GALNT9: variants seen among roughly 807,000 people sequenced by gnomAD.
GALNT9 encodes the protein GalNAc transferase 9.
Under a neutral mutation model 63.1 loss-of-function variants are expected in GALNT9, and 47 were observed. That is an observed-to-expected ratio of 0.75 (90% confidence interval 0.59 to 0.95). The LOEUF (loss-of-function observed/expected upper bound fraction) is 0.95. Ranked by LOEUF, GALNT9 falls within the 40% of genes least tolerant of loss-of-function variation. GALNT9 has a pLI of 0.00. For missense variants in GALNT9, 829 were observed against 874.8 expected (o/e 0.95, Z 0.66); for synonymous variants, 396 against 365.7 (o/e 1.08, Z -0.94).
intron 5 of GALNT9, among the ~76,000 whole-genome samples, chr12:132,251,453 C>T (rs1432492654): frequency 6.6e-6 from 1 of 152,170 alleles, no homozygotes; most frequent in East Asian, 1.9e-4. Flanking sequence ...CGGCTGCTCT[C>T]GTTTCTGTGT....
intron 2 of GALNT9, chr12:132,273,288 AATTTT>A (rs1879936787): frequency 6.6e-6 from 1 of 152,168 alleles, no homozygotes; most frequent in African/African-American, 2.4e-5. Context: ...ATGCCCGGCT[AATTTT>A]TGTATTTTCA....
rs144880545 is a variant in GALNT9, at chr12:132,316,036, C to T, written c.238+12930G>A. Among the ~76,000 whole-genome samples the T allele has an allele frequency of 3.3e-3, 496 of 152,274 alleles. 1 individual carries two copies. Among genetic ancestry groups the T allele is most frequent in the African/African-American group, 8.6e-3 (358 of 41,552 alleles). On this transcript the variant is annotated intron_variant, in intron 1 of 10. Coordinates refer to ENST00000328957, the MANE Select transcript of GALNT9 (RefSeq NM_001122636.2). This position sits in a 1 kb window ranked among gnomAD's most constrained non-coding sequence, Gnocchi z 4.3. The stretch of plus-strand genomic sequence containing the variant: ...GCAGGCAGGCAGCCCCCGAAACGGC[C>T]GCCCACCCCCTCACGCCTGCAGGTC...
intron 6 of GALNT9, among the ~76,000 whole-genome samples, chr12:132,239,653 CAGAGACAGAG>C (rs1398773088): frequency 3.7e-5 from 4 of 109,148 alleles, no homozygotes; most frequent in African/African-American, 1.2e-4. Context: ...GAGACAGAGT[CAGAGACAGAG>C]AGAGACAGAG....
chr12:132,262,661 C>T (rs564022969), intron 2 of GALNT9, 36 bp from the exon 3 acceptor site: 1 of 1,477,800 alleles, frequency 6.8e-7, no homozygotes, highest in Non-Finnish European at 9.1e-7. Context: ...GGTCAGGGCG[C>T]AGCATGAGGG....
chr12:132,235,489 C>G (rs1877970035), intron 6 of GALNT9, among the ~76,000 whole-genome samples: 1 of 152,092 alleles, frequency 6.6e-6, no homozygotes, highest in African/African-American at 2.4e-5. Context: ...GAGAAGGAAG[C>G]TGGGGCACAG....
At chr12:132,322,285 G>A (rs763637966) in intron 1 of GALNT9, among the ~76,000 whole-genome samples, 10 of 152,144 alleles carry the variant, frequency 6.6e-5, no homozygotes, top group East Asian at 1.9e-4. Flanking sequence ...CTCACTCCCC[G>A]TCTTCCTCCC....
rs60438827 is a variant in GALNT9, at chr12:132,282,015, TG to T, written c.419+4234del. On this transcript the variant is annotated intron_variant, in intron 2 of 10. Transcript: ENST00000328957. The surrounding 1 kb of genome is among the most constrained non-coding windows in gnomAD (Gnocchi z 4.5). ...AGCTCCACTGCAGCAAGGCCAGGCC[TG>T]GGGGTCCCCGATCCCACAGAGGAGG... 3.8e-5 allele frequency among the ~76,000 whole-genome samples: 5 copies of T among 133,246 alleles called. No individual in the cohort carries two copies. The highest frequency in any genetic ancestry group is 1.5e-4 in the African/African-American group (5 of 32,758). 87.4% of individuals were successfully genotyped at this position (133,246 alleles called of 152,430 possible). A position where few individuals can be genotyped will look rare whatever the true frequency, so the allele number is the denominator to read the frequency against.
At chr12:132,270,565 C>G (rs1879827406) in intron 2 of GALNT9, among the ~76,000 whole-genome samples, 1 of 152,204 alleles carries the variant, frequency 6.6e-6, no homozygotes, top group African/African-American at 2.4e-5. Flanking sequence ...AATAGGAACT[C>G]AATTTGACTT....
intron 6 of GALNT9, among the ~76,000 whole-genome samples, chr12:132,219,242 C>T (rs1037692983): frequency 1.2e-4 from 19 of 152,180 alleles, no homozygotes; most frequent in African/African-American, 2.9e-4. Context: ...GACCCAGGCC[C>T]GCTGCAGCTG....
chr12:132,233,591 G>A (rs1877925022), intron 6 of GALNT9, among the ~76,000 whole-genome samples: 1 of 4,072 alleles, frequency 2.5e-4, no homozygotes, highest in Admixed American at 2.0e-3. Flanking sequence ...AGGAGACAGC[G>A]TGGAGTCCCT....
intron 6 of GALNT9, among the ~76,000 whole-genome samples, chr12:132,214,571 G>GCCCATGC (rs1235024577): frequency 6.6e-6 from 1 of 152,198 alleles, no homozygotes; most frequent in Non-Finnish European, 1.5e-5. Context: ...CAGGAGGATG[G>GCCCATGC]CCCATGCCCC....
At chr12:132,200,767 CG>C in intron 8 of GALNT9, 1 of 265,672 alleles carries the variant, frequency 3.8e-6, no homozygotes, top group South Asian at 4.9e-5. Flanking sequence ...TACGTGAGAG[CG>C]TAGGTACATT....
chr12:132,199,335 G>A (rs551488522), intron 8 of GALNT9, 66 bp from the exon 9 acceptor site: 729 of 1,158,722 alleles, frequency 6.3e-4, no homozygotes, highest in Non-Finnish European at 8.5e-4. Flanking sequence ...GGAGCTTCAC[G>A]CAGCCAGCTC....
chr12:132,222,026 CA>C (rs1393476896), intron 6 of GALNT9, among the ~76,000 whole-genome samples: 1 of 152,090 alleles, frequency 6.6e-6, no homozygotes, highest in Non-Finnish European at 1.5e-5. Flanking sequence ...TCAAGACAGA[CA>C]GTGGATTGGG....
At chr12:132,224,819 C>T (rs1189587930) in intron 6 of GALNT9, among the ~76,000 whole-genome samples, 11 of 148,756 alleles carry the variant, frequency 7.4e-5, no homozygotes, top group African/African-American at 2.0e-4. Flanking sequence ...ACATACACAC[C>T]CTCCCACATA....
In GALNT9 at chr12:132,200,883, C is replaced by T. The variant is rs117024940; in HGVS notation, c.1401+241G>A. On this transcript the variant is annotated intron_variant, in intron 8 of 10. Coordinates refer to ENST00000328957, the MANE Select transcript of GALNT9 (RefSeq NM_001122636.2). ...GTATGGACATGTGGGTCTGCAGGTG[C>T]GTGTGTTTATGTGAACCTGCACCTT... 4,702 of 529,010 alleles carry T rather than the reference C, an allele frequency of 8.9e-3. 30 individuals are homozygous for T. Among genetic ancestry groups the T allele is most frequent in the Non-Finnish European group, 0.011 (3,384 of 295,438 alleles). 32.8% of individuals were successfully genotyped at this position (529,010 alleles called of 1,614,324 possible).
At chr12:132,302,407 C>T (rs61945663) in intron 1 of GALNT9, among the ~76,000 whole-genome samples, 7,099 of 152,300 alleles carry the variant, frequency 0.047, 226 homozygotes, top group South Asian at 0.07. Flanking sequence ...CTGTTTTTAT[C>T]ACTACGTCTT....
intron 2 of GALNT9, chr12:132,278,894 C>T (rs1220354137): frequency 6.6e-6 from 1 of 152,286 alleles, no homozygotes; most frequent in Non-Finnish European, 1.5e-5. Context: ...GGTCCCAACT[C>T]TGCCCTGACA....
chr12:132,237,016 G>A (rs1878027859), intron 6 of GALNT9, among the ~76,000 whole-genome samples: 5 of 152,272 alleles, frequency 3.3e-5, no homozygotes, highest in African/African-American at 1.2e-4. Flanking sequence ...TGGCCCATGG[G>A]ATTCCGCCCA....
Sources: allele counts gnomAD v4.1 joint callset (sites outside exome capture counted in the v4.1 genomes callset), GRCh38; gene constraint gnomAD v4.1.1; non-coding constraint Gnocchi (gnomAD v3.1); transcripts MANE v1.5; gene names NCBI Gene and HGNC (gene_info 2026-07-23, HGNC 2026-07-21).